Variants in ARMC12 observed in about 807,000 individuals in gnomAD.
The protein encoded by ARMC12 is armadillo repeat containing 12.
In ARMC12, 25 loss-of-function variants were observed where a neutral mutation model predicts 37.4. The ratio of observed to expected loss-of-function variants is 0.67; its 90% confidence interval spans 0.49 to 0.93. The LOEUF is 0.93. ARMC12 is among the 40% of genes least tolerant of loss of function. The pLI is 0.00. For missense variants in ARMC12, 384 were observed against 426.6 expected (o/e 0.90, Z 0.88); for synonymous variants, 167 against 176.1 (o/e 0.95, Z 0.41).
At chr6:35,747,811 TAGA>T (rs1767390058) in intron 5 of ARMC12, among the ~76,000 whole-genome samples, 164 bp downstream of exon 5, 1 of 152,134 alleles carries the variant, frequency 6.6e-6, no homozygotes, top group Non-Finnish European at 1.5e-5. Context: ...TTCCCCCCAG[TAGA>T]AGGAGACTCC....
At position 35,748,772 on chromosome 6, in the gene ARMC12, G is replaced by A; in HGVS notation, c.925G>A (p.Ala309Thr). The A allele has an allele frequency of 1.2e-6, 2 of 1,614,208 alleles. No individual in the cohort carries two copies. Among genetic ancestry groups the A allele is most frequent in the Non-Finnish European group, 1.7e-6 (2 of 1,180,038 alleles). ...CCCTGAGGAAGATGTTCAGATCCAG[G>A]CCTGCAAGGTCATTGTCAGCCTGCA... ...IHPEEDVQIQ[A>T]CKVIVSLQYP... is the part of the protein sequence containing the mutation. The change falls in exon 6 of 6, where the codon GCC becomes ACC. Residue 309 changes from alanine (A) to threonine (T), a missense_variant. Physicochemically the swap from Ala to Thr is moderately conservative, Grantham distance 58. Coordinates refer to ENST00000373866, the MANE Select transcript of ARMC12 (RefSeq NM_001286574.2).
Position 35,738,136 on chromosome 6 carries a change from C to A in ARMC12, c.273C>A (p.His91Gln), listed in dbSNP as rs1296570618. 1 of 1,613,928 alleles carries A rather than the reference C, an allele frequency of 6.2e-7. No homozygotes were observed. The highest frequency in any genetic ancestry group is 8.5e-7 in the Non-Finnish European group (1 of 1,180,004). The part of the protein sequence containing the change: ...QDEYAKSMIL[H>Q]SITRCVYLLE... ...AGTATGCCAAGAGCATGATCCTGCA[C>A]AGTATCACTCGCTGTGTGTACTTGC... Residue 91 changes from histidine (H) to glutamine (Q), a missense_variant, in exon 2 of 6, where the codon CAC becomes CAA. By Grantham distance (24) the His-to-Gln change is conservative. Transcript: ENST00000373866.
Position 35,738,146 on chromosome 6 carries a change from C to T in ARMC12, c.283C>T (p.Arg95Cys), listed in dbSNP as rs190755622. ...GAGCATGATCCTGCACAGTATCACT[C>T]GCTGTGTGTACTTGCTGGAGGCTGA... ...AKSMILHSIT[R>C]CVYLLEAEAS... Residue 95 changes from arginine to cysteine, a missense_variant, in exon 2 of 6, where the codon CGC becomes TGC. Physicochemically the swap from Arg to Cys is radical, Grantham distance 180. Coordinates refer to ENST00000373866, the MANE Select transcript of ARMC12 (RefSeq NM_001286574.2). The T allele has an allele frequency of 2.2e-5, 35 of 1,613,636 alleles. No individual in the cohort carries two copies. The Admixed American group carries it at 4.7e-4, about 22-fold the overall frequency.
At chr6:35,736,965 C>T (rs1418651501), upstream of ARMC12, 2 of 1,292,506 alleles carry the variant, frequency 1.5e-6, no homozygotes, top group African/African-American at 2.9e-5. Flanking sequence ...GCCCTCCATC[C>T]CATTATCTCC....
chr6:35,736,099 A>T (rs149712527), upstream of ARMC12, among the ~76,000 whole-genome samples: 498 of 152,304 alleles, frequency 3.3e-3, 12 homozygotes, highest in East Asian at 0.042. Context: ...TCCTTAAAGA[A>T]TGGCAGAACA....
At chr6:35,739,472 C>G (rs545531914) in intron 3 of ARMC12, among the ~76,000 whole-genome samples, 1 of 152,112 alleles carries the variant, frequency 6.6e-6, no homozygotes, top group Non-Finnish European at 1.5e-5. Context: ...CTTATTTTGT[C>G]TCTTGCTAAA....
intron 3 of ARMC12, among the ~76,000 whole-genome samples, chr6:35,742,952 CCAG>C (rs1403421066): frequency 1.3e-5 from 2 of 152,222 alleles, no homozygotes; most frequent in Non-Finnish European, 2.9e-5. Flanking sequence ...TGCCCTAACC[CCAG>C]CCACGTACAA....
At chr6:35,747,214 T>C in intron 3 of ARMC12, 47 bp from the exon 4 acceptor site, 1 of 1,576,368 alleles carries the variant, frequency 6.3e-7, no homozygotes, top group Non-Finnish European at 8.6e-7. Flanking sequence ...ACTGGGATAG[T>C]GGTGATCACC....
At chr6:35,742,421 G>A (rs1289353144) in intron 3 of ARMC12, among the ~76,000 whole-genome samples, 1 of 149,366 alleles carries the variant, frequency 6.7e-6, no homozygotes, top group African/African-American at 2.5e-5. Context: ...ACTTGAACCC[G>A]GGAGGCAGAG....
upstream of ARMC12, among the ~76,000 whole-genome samples, chr6:35,736,671 C>T (rs552781123): frequency 4.6e-5 from 7 of 152,014 alleles, no homozygotes; most frequent in African/African-American, 1.7e-4. Flanking sequence ...AGTACAGTGG[C>T]GTGTCAGCTC....
At chr6:35,738,282 G>A in intron 2 of ARMC12, 102 bp from the exon 3 acceptor site, 1 of 1,212,756 alleles carries the variant, frequency 8.2e-7, no homozygotes, top group Non-Finnish European at 1.1e-6. Flanking sequence ...CTGGCTGATA[G>A]CGGTGGGGGG....
At chr6:35,737,454 C>T (rs1767004289) in intron 1 of ARMC12, 183 bp downstream of exon 1, 1 of 1,538,714 alleles carries the variant, frequency 6.5e-7, no homozygotes, top group Non-Finnish European at 8.8e-7. Context: ...GATGCTAGCT[C>T]AGGGTCCCTG....
At chr6:35,732,102 C>G (rs1353592648), upstream of ARMC12, among the ~76,000 whole-genome samples, 1 of 152,132 alleles carries the variant, frequency 6.6e-6, no homozygotes, top group Non-Finnish European at 1.5e-5. Context: ...AGGCCCGGGA[C>G]GGGGAAAGGC....
chr6:35,747,057 T>TAAAAAAA lies in ARMC12; in HGVS notation c.445-192_445-186dup, dbSNP rs74403253. On this transcript the variant is annotated intron_variant, in intron 3 of 5. Transcript: ENST00000373866. ...GCAGAATAGCTAGGAAAGAAGTCTG[T>TAAAAAAA]AAAAAAAAAAAAAAAAAAGCCAAAT... Among the ~76,000 whole-genome samples the TAAAAAAA allele has an allele frequency of 5.8e-4, 48 of 82,520 alleles. 1 individual carries two copies. Among genetic ancestry groups the TAAAAAAA allele is most frequent in the Admixed American group, 3.8e-3 (26 of 6,902 alleles). The allele number at this position is 82,520 out of a possible 152,430, so 54.1% of individuals were successfully genotyped here. A position where few individuals can be genotyped will look rare whatever the true frequency, so the allele number is the denominator to read the frequency against.
At chr6:35,736,644 T>C (rs1162494569), upstream of ARMC12, among the ~76,000 whole-genome samples, 1 of 151,994 alleles carries the variant, frequency 6.6e-6, no homozygotes, top group East Asian at 1.9e-4. Flanking sequence ...GGAGTCTTGC[T>C]CTGTCGCTTA....
chr6:35,736,507 G>T (rs1026063033), upstream of ARMC12, among the ~76,000 whole-genome samples: 1 of 152,184 alleles, frequency 6.6e-6, no homozygotes, highest in African/African-American at 2.4e-5. Context: ...CTACCTGCTG[G>T]GGTCCCCCCT....
At chr6:35,748,429 T>G in intron 5 of ARMC12, 109 bp from the exon 6 acceptor site, 1 of 885,724 alleles carries the variant, frequency 1.1e-6, no homozygotes, top group Non-Finnish European at 1.6e-6. Flanking sequence ...TATACTCGAG[T>G]CTGAAATTTA....
At chr6:35,743,467 C>G (rs1251769142) in intron 3 of ARMC12, among the ~76,000 whole-genome samples, 18 of 152,164 alleles carry the variant, frequency 1.2e-4, no homozygotes, top group Admixed American at 1.2e-3. Flanking sequence ...ATCTGCCCAC[C>G]TTGGCCTCCC....
At position 35,738,320 on chromosome 6, in the gene ARMC12, T is replaced by TG. The variant is rs3215830; in HGVS notation, c.310-58dup. The TG allele has an allele frequency of 6.5e-3, 9,378 of 1,448,254 alleles. 146 individuals carry two copies. Among genetic ancestry groups the TG allele is most frequent in the East Asian group, 0.065 (2,706 of 41,926 alleles). The allele number at this position is 1,448,254 out of a possible 1,614,324, so 89.7% of individuals were successfully genotyped here. A position where few individuals can be genotyped will look rare whatever the true frequency, so the allele number is the denominator to read the frequency against. ...GGTGTGCGGAGGGATCTTGGTGACA[T>TG]GGGGGGCAGTGGGCCCAGAACACCC... On this transcript the variant is annotated intron_variant, in intron 2 of 5. Transcript: ENST00000373866.
Sources: gnomAD v4.1 joint callset for allele counts (sites outside exome capture counted in the v4.1 genomes callset) on GRCh38, gnomAD v4.1.1 for gene constraint, MANE v1.5 for transcripts, NCBI Gene and HGNC (gene_info 2026-07-23, HGNC 2026-07-21) for gene names.